TMC5: variants seen among roughly 807,000 people sequenced by gnomAD.
TMC5 encodes the protein transmembrane channel-like protein 5.
In TMC5, 86 loss-of-function variants were observed where a neutral mutation model predicts 110.5. The ratio of observed to expected loss-of-function variants is 0.78; its 90% CI spans 0.65 to 0.93. The LOEUF (loss-of-function observed/expected upper bound fraction) is 0.93, where lower values mean the gene tolerates loss of function less well. Among genes scored for constraint, TMC5 ranks in the 40% least tolerant of loss-of-function variants. The pLI, the probability that TMC5 is intolerant of heterozygous loss-of-function variation, is 0.00. For missense variants in TMC5, 1,144 were observed against 1,222.8 expected (o/e 0.94, Z 0.96); for synonymous variants, 455 against 439.5 (o/e 1.04, Z -0.44).
intron 20 of TMC5, among the ~76,000 whole-genome samples, chr16:19,496,814 C>T (rs369273196): frequency 9.1e-4 from 132 of 145,414 alleles, no homozygotes; most frequent in African/African-American, 3.1e-3. Context: ...CGCTGGAACC[C>T]GAGAGGCGGA....
intron 5 of TMC5, chr16:19,457,061 G>T (rs751196853): frequency 5.9e-6 from 9 of 1,512,972 alleles, no homozygotes; most frequent in Non-Finnish European, 9.0e-7. Flanking sequence ...AGGAAAAAAG[G>T]CTTCCTCGTT....
chr16:19,484,138 A>G (rs942543265), intron 15 of TMC5, among the ~76,000 whole-genome samples: 7 of 152,096 alleles, frequency 4.6e-5, no homozygotes, highest in African/African-American at 7.2e-5. Context: ...ATTAAATGCC[A>G]TGGTAAATGA....
At position 19,466,178 on chromosome 16, in the gene TMC5, T is replaced by C. The variant is rs1309897483; in HGVS notation, c.1582T>C (p.Tyr528His). Reference protein sequence around the residue: ...SGASYNMQLAYIFTIGACLTT... With the variant: ...SGASYNMQLAHIFTIGACLTT... ...GGCATCCTACAACATGCAGCTGGCCTACATCTTCACAATCGGAGCATGCTT... is the reference window on the plus strand; with the variant it reads ...GGCATCCTACAACATGCAGCTGGCCCACATCTTCACAATCGGAGCATGCTT... The change falls in exon 9 of 22, where the codon TAC becomes CAC. Residue 528 changes from tyrosine (Y) to histidine (H), a missense_variant. By Grantham distance (83) the Tyr-to-His change is moderately conservative. Coordinates refer to ENST00000542583, the MANE Select transcript of TMC5 (RefSeq NM_001261841.2). 6.2e-7 allele frequency: 1 copy of C among 1,614,182 alleles called. No individual in the cohort carries two copies. The highest frequency in any genetic ancestry group is 1.1e-5 in the South Asian group (1 of 91,086).
intron 18 of TMC5, among the ~76,000 whole-genome samples, chr16:19,491,798 A>C (rs780869283): frequency 7.9e-5 from 12 of 152,048 alleles, no homozygotes; most frequent in Non-Finnish European, 1.6e-4. Context: ...TGGCCTCCCA[A>C]AGTGCTGGGA....
At chr16:19,473,084 G>A (rs1050542669) in intron 11 of TMC5, among the ~76,000 whole-genome samples, 8 of 151,912 alleles carry the variant, frequency 5.3e-5, no homozygotes, top group African/African-American at 7.3e-5. Context: ...AGTGGCTCAC[G>A]CCTGTAATCC....
intron 12 of TMC5, among the ~76,000 whole-genome samples, chr16:19,476,606 G>A (rs867210268): frequency 2.0e-5 from 3 of 152,104 alleles, no homozygotes; most frequent in Admixed American, 6.6e-5. Flanking sequence ...GGCAGTGTAC[G>A]CTGGGTCAGC....
intron 13 of TMC5, among the ~76,000 whole-genome samples, chr16:19,478,405 C>G (rs1275061156): frequency 2.0e-5 from 3 of 152,242 alleles, no homozygotes; most frequent in Non-Finnish European, 4.4e-5. Flanking sequence ...GATTCAAAAT[C>G]AGCCCTCCAA....
Position 19,448,166 on chromosome 16 carries a change from A to G in TMC5, c.959-1376A>G, listed in dbSNP as rs921038350. Among the ~76,000 whole-genome samples, 262 of 150,268 alleles carry G rather than the reference A, an allele frequency of 1.7e-3. 1 individual carries two copies. Among genetic ancestry groups the G allele is most frequent in the Admixed American group, 4.2e-3 (63 of 15,106 alleles). ...GCAAGTCTCAAAAAAAAAAAAAAAA[A>G]AGAGTGGACTAGAGTAAGGCTATGT... is the stretch of plus-strand genomic sequence containing the variant. On this transcript the variant is annotated intron_variant, in intron 4 of 21. Transcript: ENST00000542583.
At chr16:19,441,134 T>A (rs139918376) in intron 3 of TMC5, among the ~76,000 whole-genome samples, 1 of 152,170 alleles carries the variant, frequency 6.6e-6, no homozygotes, top group African/African-American at 2.4e-5. Context: ...TTGACCCTGC[T>A]ACGTAGCCAA....
At position 19,440,116 on chromosome 16, in the gene TMC5, G is replaced by A. The variant is rs199655687; in HGVS notation, c.78G>A (p.Thr26=). The change falls in exon 3 of 22, where the codon ACG becomes ACA. Residue 26 remains threonine, a synonymous_variant. Coordinates refer to ENST00000542583, the MANE Select transcript of TMC5 (RefSeq NM_001261841.2). Reference sequence around the variant, plus strand: ...ACTATTCAGGGTCTCAGAACCGTACGCAGGGGTATTTGAAAACTCAAGGTT... The same window carrying A: ...ACTATTCAGGGTCTCAGAACCGTACACAGGGGTATTTGAAAACTCAAGGTT... The part of the protein sequence containing the change: ...YPDYSGSQNR[T]QGYLKTQGYP... 4.3e-5 allele frequency: 70 copies of A among 1,613,964 alleles called. No homozygotes were observed. The highest frequency in any genetic ancestry group is 1.2e-4 in the African/African-American group (9 of 74,870).
chr16:19,461,293 C>T (rs1968015064), intron 6 of TMC5, among the ~76,000 whole-genome samples: 1 of 152,070 alleles, frequency 6.6e-6, no homozygotes, highest in Non-Finnish European at 1.5e-5. Flanking sequence ...AAATAAAGAT[C>T]AGACTAGTGC....
chr16:19,472,027 C>G lies in TMC5; in HGVS notation c.1783-61C>G, dbSNP rs964764499. On this transcript the variant is annotated intron_variant, in intron 10 of 21. Transcript: ENST00000542583. ...CCACCCGCCTTGGCCTCCCAAAGTG[C>G]TGGGATTACAGGCGTGAGCCACCAT... The G allele has an allele frequency of 1.9e-6, 3 of 1,568,368 alleles. No individual in the cohort carries two copies. The African/African-American group carries it at 4.1e-5, about 21-fold the overall frequency.
At chr16:19,411,708 G>A (rs1419657833) in intron 1 of TMC5, 1 of 152,126 alleles carries the variant, frequency 6.6e-6, no homozygotes, top group East Asian at 1.9e-4. Flanking sequence ...CCCTACTAAT[G>A]TGTGCATTCC....
At chr16:19,444,995 G>T (rs568058688) in intron 4 of TMC5, among the ~76,000 whole-genome samples, 1 of 152,294 alleles carries the variant, frequency 6.6e-6, no homozygotes, top group African/African-American at 2.4e-5. Context: ...GCCAGGCATA[G>T]TGGAGGGCAC....
intron 2 of TMC5, among the ~76,000 whole-genome samples, chr16:19,439,051 T>C (rs371795607): frequency 2.0e-4 from 30 of 152,334 alleles, no homozygotes; most frequent in Middle Eastern, 6.8e-3. Flanking sequence ...GTTTGAACAA[T>C]TGGTTGCCTG....
At chr16:19,452,127 T>C (rs1463502185) in intron 5 of TMC5, among the ~76,000 whole-genome samples, 1 of 152,140 alleles carries the variant, frequency 6.6e-6, no homozygotes, top group Non-Finnish European at 1.5e-5. Flanking sequence ...CAGCTTCAAG[T>C]TGGGGTTCCC....
chr16:19,475,703 T>C (rs771871780), intron 12 of TMC5, among the ~76,000 whole-genome samples: 1 of 152,120 alleles, frequency 6.6e-6, no homozygotes, highest in Admixed American at 6.6e-5. Context: ...GCATTTTGCG[T>C]TCTTCAAACA....
At chr16:19,435,904 A>G (rs1967333554) in intron 2 of TMC5, among the ~76,000 whole-genome samples, 1 of 152,232 alleles carries the variant, frequency 6.6e-6, no homozygotes, top group Admixed American at 6.5e-5. Context: ...AATATGCCAC[A>G]ATTCATTCAC....
rs547922468 is a variant in TMC5, at chr16:19,484,152, C to T, written c.2363+2687C>T. ...GATTAAATGCCATGGTAAATGAAAA[C>T]GCTTTGCAAACACCAATATGTCATA... On this transcript the variant is annotated intron_variant, in intron 15 of 21. Transcript: ENST00000542583. 5.0e-4 allele frequency among the ~76,000 whole-genome samples: 75 copies of T among 151,318 alleles called. 1 individual carries two copies. The South Asian group carries it at 0.014, about 27-fold the overall frequency.
Sources: gnomAD v4.1 joint callset for allele counts (sites outside exome capture counted in the v4.1 genomes callset) on GRCh38, gnomAD v4.1.1 for gene constraint, MANE v1.5 for transcripts, NCBI Gene and HGNC (gene_info 2026-07-23, HGNC 2026-07-21) for gene names.